Variants in NCALD observed in about 807,000 individuals in gnomAD.
The protein encoded by NCALD is neurocalcin delta.
NCALD carries 10 observed loss-of-function variants against 18.6 expected under a neutral mutation model. The observed-to-expected ratio is 0.54, with a 90% CI of 0.33 to 0.91. The LOEUF (loss-of-function observed/expected upper bound fraction) is 0.91. Among genes scored for constraint, NCALD ranks in the 40% least tolerant of loss-of-function variants. The pLI is 0.03. For synonymous variants in NCALD, 88 were observed against 87.4 expected (o/e 1.01, Z -0.04); for missense variants, 184 against 247.6 (o/e 0.74, Z 1.72).
intron 2 of NCALD, among the ~76,000 whole-genome samples, chr8:101,973,662 G>A (rs188172467): frequency 2.0e-5 from 3 of 152,226 alleles, no homozygotes; most frequent in African/African-American, 7.2e-5. Flanking sequence ...GAAAACAGAG[G>A]GGAAGAGCCA....
intron 1 of NCALD, among the ~76,000 whole-genome samples, chr8:102,076,019 T>C (rs1401667275): frequency 6.6e-6 from 1 of 151,498 alleles, no homozygotes; most frequent in East Asian, 1.9e-4. Context: ...AAATAAATTA[T>C]GGTCATTCTA....
At chr8:101,726,166 G>T (rs1816565357) in intron 1 of NCALD, among the ~76,000 whole-genome samples, 2 of 152,198 alleles carry the variant, frequency 1.3e-5, no homozygotes, top group Admixed American at 1.3e-4. Flanking sequence ...CATCATGAGG[G>T]ACCAGGTGAT....
intron 1 of NCALD, among the ~76,000 whole-genome samples, chr8:102,041,097 C>T (rs1279026177): frequency 1.3e-5 from 2 of 152,190 alleles, no homozygotes; most frequent in Non-Finnish European, 2.9e-5. Flanking sequence ...ACAACTCTTA[C>T]TGGTAGGAGA....
At chr8:101,862,320 G>C (rs964804737) in intron 4 of NCALD, among the ~76,000 whole-genome samples, 1 of 152,202 alleles carries the variant, frequency 6.6e-6, no homozygotes, top group Admixed American at 6.5e-5. Context: ...TACGGCAATT[G>C]TGATATTTTC....
chr8:101,810,159 A>G (rs1433742597), intron 4 of NCALD, among the ~76,000 whole-genome samples: 1 of 152,194 alleles, frequency 6.6e-6, no homozygotes, highest in Non-Finnish European at 1.5e-5. Context: ...CTGTGTTATA[A>G]TAGAGAGAGT....
At chr8:101,820,395 G>T (rs1813671299) in intron 4 of NCALD, among the ~76,000 whole-genome samples, 1 of 152,070 alleles carries the variant, frequency 6.6e-6, no homozygotes, top group Non-Finnish European at 1.5e-5. Flanking sequence ...ATGAGTAGAT[G>T]AATTTTTAAA....
At chr8:101,793,930 C>G (rs1446991535), upstream of NCALD, among the ~76,000 whole-genome samples, 1 of 152,164 alleles carries the variant, frequency 6.6e-6, no homozygotes. Context: ...GCAATTCTAA[C>G]CAGTCTTTTG....
intron 4 of NCALD, among the ~76,000 whole-genome samples, chr8:101,886,262 G>T (rs1340986350): frequency 6.6e-6 from 1 of 152,180 alleles, no homozygotes; most frequent in Non-Finnish European, 1.5e-5. Flanking sequence ...CTTAATGGGG[G>T]AAAAGGAAGT....
At chr8:101,895,058 C>G (rs1266957522) in intron 3 of NCALD, among the ~76,000 whole-genome samples, 1 of 149,726 alleles carries the variant, frequency 6.7e-6, no homozygotes, top group Admixed American at 6.6e-5. Context: ...GAGACACAAC[C>G]AAAAAAGAGA....
intron 1 of NCALD, among the ~76,000 whole-genome samples, chr8:102,067,838 GT>G (rs1563589255): frequency 6.6e-6 from 1 of 152,166 alleles, no homozygotes; most frequent in Non-Finnish European, 1.5e-5. Flanking sequence ...GACTTCCCCT[GT>G]CGTATTCTCC....
intron 1 of NCALD, among the ~76,000 whole-genome samples, chr8:101,735,332 G>A (rs1434625728): frequency 1.3e-5 from 2 of 152,088 alleles, no homozygotes; most frequent in Non-Finnish European, 2.9e-5. Flanking sequence ...AGGAAGCTTT[G>A]CTCCTACCAC....
chr8:101,728,995 G>C, intron 1 of NCALD, among the ~76,000 whole-genome samples: 1 of 152,340 alleles, frequency 6.6e-6, no homozygotes, highest in Non-Finnish European at 1.5e-5. Context: ...AACTATCAAA[G>C]TTGTGGATGA....
At chr8:101,999,040 G>C (rs998531572) in intron 2 of NCALD, among the ~76,000 whole-genome samples, 16 of 145,644 alleles carry the variant, frequency 1.1e-4, no homozygotes, top group African/African-American at 3.9e-4. Flanking sequence ...TTGAAATGAG[G>C]GGGAAAAAAT....
intron 1 of NCALD, among the ~76,000 whole-genome samples, chr8:102,055,398 ACG>A (rs1823616425): frequency 6.6e-6 from 1 of 152,206 alleles, no homozygotes; most frequent in Non-Finnish European, 1.5e-5. Flanking sequence ...CAAAAAGCCT[ACG>A]TTCACGACAT....
intron 1 of NCALD, among the ~76,000 whole-genome samples, chr8:102,099,844 C>T (rs1452849466): frequency 6.6e-6 from 1 of 151,854 alleles, no homozygotes; most frequent in African/African-American, 2.4e-5. Context: ...AAGCAGTGCA[C>T]ACTTGTAATC....
At chr8:102,118,008 T>C (rs916907717) in intron 1 of NCALD, among the ~76,000 whole-genome samples, 2 of 152,244 alleles carry the variant, frequency 1.3e-5, no homozygotes, top group African/African-American at 4.8e-5. Flanking sequence ...AACCTCTCAA[T>C]GCCTCGGTTC....
intron 2 of NCALD, among the ~76,000 whole-genome samples, chr8:101,919,019 A>G (rs192518635): frequency 1.3e-5 from 2 of 152,226 alleles, no homozygotes; most frequent in African/African-American, 4.8e-5. Context: ...TATAGAACCA[A>G]ATTCTATAAT....
intron 3 of NCALD, among the ~76,000 whole-genome samples, chr8:101,911,285 G>A (rs1817784416): frequency 6.7e-6 from 1 of 149,940 alleles, no homozygotes; most frequent in East Asian, 2.0e-4. Context: ...AAAAAAAGAG[G>A]AGAAGGGGGG....
intron 2 of NCALD, among the ~76,000 whole-genome samples, chr8:102,017,895 C>A (rs976753732): frequency 2.0e-4 from 31 of 152,100 alleles, no homozygotes; most frequent in African/African-American, 7.5e-4. Context: ...TAATTAGCTA[C>A]ATATCATTAA....
Sources: gnomAD v4.1 joint callset for allele counts (sites outside exome capture counted in the v4.1 genomes callset) on GRCh38, gnomAD v4.1.1 for gene constraint, MANE v1.5 for transcripts, NCBI Gene and HGNC (gene_info 2026-07-23, HGNC 2026-07-21) for gene names.